KIF7: variants seen among roughly 807,000 people sequenced by gnomAD.
KIF7 encodes kinesin-like protein KIF7.
In KIF7, 104 loss-of-function variants were observed where a neutral mutation model predicts 135.7. That is an observed-to-expected ratio of 0.77 (90% confidence interval 0.65 to 0.90). The LOEUF (loss-of-function observed/expected upper bound fraction) is 0.90. Among genes scored for constraint, KIF7 ranks in the 40% least tolerant of loss-of-function variants. KIF7 has a pLI of 0.00. For missense variants in KIF7, 2,005 were observed against 1,839.1 expected, an observed-to-expected ratio of 1.09 and a Z score of -1.65; for synonymous variants, 883 against 809.4, an observed-to-expected ratio of 1.09 and a Z score of -1.54.
chr15:89,628,820 C>T, intron 18 of KIF7, 34 bp from the exon 19 acceptor site: 1 of 1,611,922 alleles, frequency 6.2e-7, no homozygotes, highest in East Asian at 2.2e-5. Context: ...TCATCAGAAA[C>T]AGGTGGCAAC....
At chr15:89,627,314 TATAACTC>T (rs1462780075), downstream of KIF7, 4 of 524,058 alleles carry the variant, frequency 7.6e-6, no homozygotes, top group Admixed American at 1.3e-4. Context: ...TGATTGGTGC[TATAACTC>T]AGGCAGCCTG....
At position 89,628,532 on chromosome 15, in the gene KIF7, G is replaced by A. The variant is rs1567056450; in HGVS notation, c.3919C>T (p.Leu1307Phe). The change falls in exon 19 of 19, where the codon CTT (leucine) becomes TTT (phenylalanine). Residue 1307 changes from leucine to phenylalanine, a missense_variant. Coordinates refer to ENST00000394412, the MANE Select transcript of KIF7 (RefSeq NM_198525.3). ...GGCAGGCCTGCCTCACCCACAGGAA[G>A]CACCCGCCCCACCAGGGGCTCAGCC... ...EAAEPLVGRV[L>F]PVGEAGLPWN... 2.5e-6 allele frequency: 4 copies of A among 1,613,186 alleles called. No individual in the cohort carries two copies. The highest frequency in any genetic ancestry group is 3.4e-6 in the Non-Finnish European group (4 of 1,179,972).
At chr15:89,653,184 T>C (rs569383246) in intron 1 of KIF7, among the ~76,000 whole-genome samples, 6 of 152,260 alleles carry the variant, frequency 3.9e-5, no homozygotes, top group East Asian at 1.9e-4. Context: ...ACTGGCGAAA[T>C]GAGGCCCTAA....
chr15:89,646,887 G>A lies in KIF7; in HGVS notation c.1731C>T (p.Gly577=), dbSNP rs1450959472. ...CAGGGAGGCAGGCAGGCGGCACCAT[G>A]CCCAGCACATGGGCGTGGGCACCCC... ...PLGGAHAHVL[G]MVPPACLPGD... is the part of the protein sequence containing the mutation. Residue 577 remains glycine, a synonymous_variant, in exon 7 of 19, where the codon GGC becomes GGT. Transcript: ENST00000394412. The A allele has an allele frequency of 6.2e-7, 1 of 1,613,996 alleles. No individual in the cohort carries two copies. Among genetic ancestry groups the A allele is most frequent in the East Asian group, 2.2e-5 (1 of 44,894 alleles).
At chr15:89,647,918 T>C (rs1964044909) in intron 5 of KIF7, among the ~76,000 whole-genome samples, 2 of 152,322 alleles carry the variant, frequency 1.3e-5, no homozygotes, top group South Asian at 4.1e-4. Flanking sequence ...CTTGTAATTA[T>C]CCATCGTATT....
chr15:89,649,515 C>T, intron 3 of KIF7, 148 bp from the exon 4 acceptor site: 3 of 1,089,146 alleles, frequency 2.8e-6, no homozygotes, highest in Non-Finnish European at 3.8e-6. Flanking sequence ...CTTCCTAGTT[C>T]CGGCTTGAGG....
At chr15:89,618,107 A>T in exon 2 of KIF7, 1 of 1,581,044 alleles carries the variant, frequency 6.3e-7, no homozygotes, top group Non-Finnish European at 8.7e-7. Flanking sequence ...ATAAGTGTTA[A>T]TTACAAGTGG....
In KIF7 at chr15:89,648,766, T is replaced by C; in HGVS notation, c.932A>G (p.Lys311Arg). 4 of 1,534,064 alleles carry C rather than the reference T, an allele frequency of 2.6e-6. No individual in the cohort carries two copies. Among genetic ancestry groups the C allele is most frequent in the Non-Finnish European group, 3.5e-6 (4 of 1,144,766 alleles). Residue 311 changes from lysine to arginine, a missense_variant, in exon 5 of 19, where the codon AAA becomes AGA. By Grantham distance (26) the Lys-to-Arg change is conservative. Coordinates refer to ENST00000394412, the MANE Select transcript of KIF7 (RefSeq NM_198525.3). ...YRDSKITRIL[K>R]DSLGGNAKTV... Reference sequence around the variant, plus strand: ...CTTGGCGTTCCCGCCCAGCGAGTCTTTGAGGATCCTGAGGGCGCGAGGGGG... The same window carrying C: ...CTTGGCGTTCCCGCCCAGCGAGTCTCTGAGGATCCTGAGGGCGCGAGGGGG...
At position 89,654,256 on chromosome 15, in the gene KIF7, G is replaced by T. The variant is rs184549393; in HGVS notation, c.-25+1143C>A. ...GATCTCCTGACCTCGTGATCTGCCC[G>T]CCTCGGCCTCCCAAAGTGCTGGGAT... is the stretch of plus-strand genomic sequence containing the variant. On this transcript the variant is annotated intron_variant, in intron 1 of 18. Coordinates refer to ENST00000394412, the MANE Select transcript of KIF7 (RefSeq NM_198525.3). Among the ~76,000 whole-genome samples, 168 of 151,618 alleles carry T rather than the reference G, an allele frequency of 1.1e-3. 3 individuals carry two copies. Among genetic ancestry groups the T allele is most frequent in the Admixed American group, 0.011 (167 of 15,246 alleles).
chr15:89,659,327 G>A (rs1964235325), upstream of KIF7, among the ~76,000 whole-genome samples: 1 of 151,890 alleles, frequency 6.6e-6, no homozygotes, highest in African/African-American at 2.4e-5. Flanking sequence ...GAGCCCAAGA[G>A]TTCAAGGCTG....
intron 11 of KIF7, among the ~76,000 whole-genome samples, chr15:89,639,089 T>G (rs1963867967): frequency 6.6e-6 from 1 of 152,180 alleles, no homozygotes; most frequent in South Asian, 2.1e-4. Context: ...GCTAGCCATA[T>G]GTAGAAAGCT....
At chr15:89,624,090 G>A (rs778508504), downstream of KIF7, 68 of 1,613,436 alleles carry the variant, frequency 4.2e-5, no homozygotes, top group Admixed American at 1.7e-4. Flanking sequence ...TCATGGGCAC[G>A]CCTCAGAATC....
Position 89,628,782 on chromosome 15 carries a change from C to A in KIF7, c.3669G>T (p.Gly1223=). 1 of 1,611,920 alleles carries A rather than the reference C, an allele frequency of 6.2e-7. No homozygotes were observed. The highest frequency in any genetic ancestry group is 8.5e-7 in the Non-Finnish European group (1 of 1,180,004). The change falls in exon 19 of 19, where the codon GGG becomes GGT. Residue 1223 remains glycine, a synonymous_variant. Coordinates refer to ENST00000394412, the MANE Select transcript of KIF7 (RefSeq NM_198525.3). Reference sequence around the variant, plus strand: ...CCTCCGAGCACAGGCTCCTCTTCTCCCCACCTGTCATGGAGAGTAACGTGT... The same window carrying A: ...CCTCCGAGCACAGGCTCCTCTTCTCACCACCTGTCATGGAGAGTAACGTGT... The part of the protein sequence containing the change: ...GVNAVGHSRG[G]EKRSLCSEGR...
chr15:89,642,487 A>G (rs1963942480), intron 10 of KIF7, 82 bp from the exon 11 acceptor site: 1 of 1,271,144 alleles, frequency 7.9e-7, no homozygotes, highest in Non-Finnish European at 1.1e-6. Context: ...GAGGTTTCCC[A>G]GCCCTTGGAC....
intron 15 of KIF7, chr15:89,631,173 T>G: frequency 8.2e-6 from 3 of 363,850 alleles, no homozygotes; most frequent in East Asian, 5.1e-5. Flanking sequence ...GTGCACTGAG[T>G]ATGCGCCTGA....
intron 11 of KIF7, 40 bp downstream of exon 11, chr15:89,642,163 G>C: frequency 6.3e-7 from 1 of 1,593,196 alleles, no homozygotes. Context: ...TAGGAGGCAG[G>C]AGTCACCCCA....
rs1005920096 is a variant in KIF7 at position 89,633,056 on chromosome 15, G to A, written c.2719-60C>T. 5.6e-5 allele frequency: 89 copies of A among 1,593,388 alleles called. 1 individual carries two copies. Among genetic ancestry groups the A allele is most frequent in the African/African-American group, 2.6e-4 (19 of 74,482 alleles). On this transcript the variant is annotated intron_variant, in intron 13 of 18. Coordinates refer to ENST00000394412, the MANE Select transcript of KIF7 (RefSeq NM_198525.3). ...GGGCCCACCTCTGGCTGTGTCAGCCGCCACTCGAGGTTCACTGGGGAGAAA... is the reference window on the plus strand; with the variant it reads ...GGGCCCACCTCTGGCTGTGTCAGCCACCACTCGAGGTTCACTGGGGAGAAA...
intron 11 of KIF7, among the ~76,000 whole-genome samples, chr15:89,640,958 G>T (rs917889779): frequency 6.6e-6 from 1 of 152,034 alleles, no homozygotes; most frequent in Non-Finnish European, 1.5e-5. Flanking sequence ...AGCTGAGATT[G>T]CACCACAGCA....
Position 89,628,470 on chromosome 15 carries a change from T to G in KIF7, c.3981A>C (p.Glu1327Asp). 1.2e-6 allele frequency: 2 copies of G among 1,610,530 alleles called. No individual in the cohort carries two copies. Residue 1327 changes from glutamate to aspartate, a missense_variant, in exon 19 of 19, where the codon GAA becomes GAC. Coordinates refer to ENST00000394412, the MANE Select transcript of KIF7 (RefSeq NM_198525.3). ...NFGPLSKPRR[E>D]LRRASPGMID... ...TCATCCCCGGGCTGGCTCGTCGCAGTTCCCGCCGGGGCTTGGACAAAGGCC... is the reference window on the plus strand; with the variant it reads ...TCATCCCCGGGCTGGCTCGTCGCAGGTCCCGCCGGGGCTTGGACAAAGGCC...
Sources: allele counts gnomAD v4.1 joint callset (sites outside exome capture counted in the v4.1 genomes callset), GRCh38; gene constraint gnomAD v4.1.1; transcripts MANE v1.5; gene names NCBI Gene and HGNC (gene_info 2026-07-23, HGNC 2026-07-21).